Variants in FAM178B observed in about 807,000 individuals in gnomAD.
FAM178B encodes the protein protein FAM178B.
A neutral mutation model predicts 91.7 loss-of-function variants in FAM178B; 82 were observed. The ratio of observed to expected loss-of-function variants is 0.89; its 90% CI spans 0.75 to 1.07. FAM178B has a LOEUF of 1.07. Among genes scored for constraint, FAM178B ranks in the 50% least tolerant of loss-of-function variants. FAM178B has a pLI of 0.00. For synonymous variants in FAM178B, 368 were observed against 359.4 expected, an observed-to-expected ratio of 1.02 and a Z score of -0.27; for missense variants, 769 against 846.7, an observed-to-expected ratio of 0.91 and a Z score of 1.14.
intron 13 of FAM178B, among the ~76,000 whole-genome samples, chr2:96,897,011 C>A (rs1000231501): frequency 6.6e-6 from 1 of 152,144 alleles, no homozygotes; most frequent in Non-Finnish European, 1.5e-5. Context: ...GGATTACAGG[C>A]GGCCACCACC....
chr2:96,922,423 C>T (rs952055819), intron 10 of FAM178B, among the ~76,000 whole-genome samples: 3 of 152,176 alleles, frequency 2.0e-5, no homozygotes, highest in Non-Finnish European at 2.9e-5. Context: ...CATCTTGGCT[C>T]ACTGCGACCT....
At chr2:96,896,167 C>G (rs895490916) in intron 13 of FAM178B, among the ~76,000 whole-genome samples, 1 of 152,220 alleles carries the variant, frequency 6.6e-6, no homozygotes, top group Non-Finnish European at 1.5e-5. Flanking sequence ...GCAGGCCTCG[C>G]CCAGCCGGGA....
intron 1 of FAM178B, among the ~76,000 whole-genome samples, chr2:96,974,141 G>A (rs2153375911): frequency 6.6e-6 from 1 of 152,152 alleles, no homozygotes; most frequent in South Asian, 2.1e-4. Flanking sequence ...CCAGCACTTT[G>A]GGAGGCTGAG....
chr2:96,968,364 C>A (rs1255523421), intron 4 of FAM178B, among the ~76,000 whole-genome samples: 1 of 152,062 alleles, frequency 6.6e-6, no homozygotes, highest in African/African-American at 2.4e-5. Context: ...CTTGCCAGAG[C>A]CCCAACCCCT....
At chr2:96,923,394 C>T (rs1002682107) in intron 10 of FAM178B, 96 bp downstream of exon 10, 2 of 967,246 alleles carry the variant, frequency 2.1e-6, no homozygotes, top group Middle Eastern at 2.1e-4. Flanking sequence ...GCTGAGCTCG[C>T]CGGAGATTCT....
intron 13 of FAM178B, chr2:96,894,970 T>C (rs945849803): frequency 7.1e-6 from 8 of 1,131,752 alleles, no homozygotes; most frequent in Non-Finnish European, 1.2e-6. Context: ...CACCCTCCCT[T>C]GCATCCCTCT....
chr2:96,882,629 C>G (rs1202097268), intron 14 of FAM178B, among the ~76,000 whole-genome samples: 2 of 152,214 alleles, frequency 1.3e-5, no homozygotes, highest in Non-Finnish European at 2.9e-5. Flanking sequence ...CACTCCCTGC[C>G]TTACCTGCTT....
At chr2:96,898,118 A>G in intron 13 of FAM178B, 4 of 985,646 alleles carry the variant, frequency 4.1e-6, no homozygotes, top group Non-Finnish European at 4.8e-6. Flanking sequence ...ACACCAGTCA[A>G]TTCTAAACCC....
At chr2:96,921,291 C>T (rs938823300) in intron 11 of FAM178B, 29 bp from the exon 12 acceptor site, 1 of 1,546,558 alleles carries the variant, frequency 6.5e-7, no homozygotes, top group Non-Finnish European at 8.8e-7. Context: ...CCATGGGCTA[C>T]AGGAGGACAC....
At chr2:96,970,093 C>T (rs1054259858) in intron 4 of FAM178B, among the ~76,000 whole-genome samples, 17 of 152,200 alleles carry the variant, frequency 1.1e-4, no homozygotes, top group Admixed American at 4.6e-4. Flanking sequence ...AGAGCATGCC[C>T]CCATGAAGAC....
At chr2:96,970,902 A>T in intron 3 of FAM178B, 125 bp from the exon 4 acceptor site, 1 of 756,114 alleles carries the variant, frequency 1.3e-6, no homozygotes, top group Non-Finnish European at 2.2e-6. Context: ...TACTATGTTT[A>T]CAGGATTAAA....
chr2:96,968,687 C>G (rs2082178124), intron 4 of FAM178B, among the ~76,000 whole-genome samples: 2 of 51,662 alleles, frequency 3.9e-5, no homozygotes, highest in Admixed American at 2.4e-4. Flanking sequence ...GGCCTCCTGG[C>G]TGTGAGCCCG....
At chr2:96,952,582 G>A (rs2081945857) in intron 6 of FAM178B, among the ~76,000 whole-genome samples, 1 of 152,212 alleles carries the variant, frequency 6.6e-6, no homozygotes, top group African/African-American at 2.4e-5. Flanking sequence ...TTTGCAAAAT[G>A]AGTTGTTGAA....
In FAM178B at chr2:96,961,115, AAGAAGGGACGAGG is replaced by A. The variant is rs1337369255; in HGVS notation, c.735-688_735-676del. Reference sequence around the variant, plus strand: ...TGGATGGGAGCTGGCCCCATGGACAAAGAAGGGACGAGGAGAAGGGATACATTTCAACAGTATC... The same window carrying A: ...TGGATGGGAGCTGGCCCCATGGACAAAGAAGGGATACATTTCAACAGTATC... On this transcript the variant is annotated intron_variant, in intron 5 of 16. Coordinates refer to ENST00000490605, the MANE Select transcript of FAM178B (RefSeq NM_001122646.3). Among the ~76,000 whole-genome samples the A allele has an allele frequency of 3.9e-5, 6 of 152,282 alleles. 1 individual carries two copies. Among genetic ancestry groups the A allele is most frequent in the Middle Eastern group, 3.4e-3 (1 of 294 alleles).
At chr2:96,878,782 G>GA (rs2153367030) in intron 14 of FAM178B, among the ~76,000 whole-genome samples, 1 of 152,330 alleles carries the variant, frequency 6.6e-6, no homozygotes, top group East Asian at 1.9e-4. Context: ...CAGCCATCCA[G>GA]AAACACACAC....
At chr2:96,881,772 T>TATTCC (rs1333071499) in intron 14 of FAM178B, among the ~76,000 whole-genome samples, 1 of 151,830 alleles carries the variant, frequency 6.6e-6, no homozygotes, top group Non-Finnish European at 1.5e-5. Flanking sequence ...CCAGAAAAAC[T>TATTCC]ATTCCGAGTG....
Position 96,876,189 on chromosome 2 carries a change from G to T in FAM178B, c.*87C>A. On this transcript the variant is annotated 3_prime_UTR_variant, in exon 17 of 17. Transcript: ENST00000490605. ...GCTGGTCAGCATGTGGCCTCCTCTG[G>T]CCTTGATGCTTCGCTTCCTCCAGTT... The T allele has an allele frequency of 7.1e-7, 1 of 1,412,484 alleles. No individual in the cohort carries two copies. The highest frequency in any genetic ancestry group is 9.8e-7 in the Non-Finnish European group (1 of 1,019,626). 87.5% of individuals were successfully genotyped at this position (1,412,484 alleles called of 1,614,324 possible). A position where few individuals can be genotyped will look rare whatever the true frequency, so the allele number is the denominator to read the frequency against.
chr2:96,941,172 G>A (rs942069236), intron 8 of FAM178B, among the ~76,000 whole-genome samples: 2 of 152,204 alleles, frequency 1.3e-5, no homozygotes, highest in African/African-American at 4.8e-5. Flanking sequence ...TGAGTACTTG[G>A]GAGGAGGAAG....
intron 12 of FAM178B, among the ~76,000 whole-genome samples, chr2:96,911,879 C>T (rs749424061): frequency 5.9e-5 from 9 of 152,184 alleles, no homozygotes; most frequent in Non-Finnish European, 1.3e-4. Context: ...AAGGCGGTGA[C>T]TCCTGCTTCC....
Sources: gnomAD v4.1 joint callset for allele counts (sites outside exome capture counted in the v4.1 genomes callset) on GRCh38, gnomAD v4.1.1 for gene constraint, MANE v1.5 for transcripts, NCBI Gene and HGNC (gene_info 2026-07-23, HGNC 2026-07-21) for gene names.